The following GALNT13 variants were observed in gnomAD, a reference collection of about 807,000 sequenced individuals.
GALNT13 encodes the protein UDP-GalNAc:polypeptide N-acetylgalactosaminyltransferase 13.
In GALNT13, 28 loss-of-function variants were observed where a neutral mutation model predicts 64.2. The ratio of observed to expected loss-of-function variants is 0.44; its 90% confidence interval spans 0.32 to 0.60. The LOEUF is 0.60. GALNT13 is among the 20% of genes least tolerant of loss of function. The probability of loss-of-function intolerance (pLI) is 0.05; values close to 1 mark genes in which losing one functional copy is unlikely to be tolerated. For missense variants in GALNT13, 577 were observed against 669.8 expected (o/e 0.86, Z 1.53); for synonymous variants, 214 against 224.6 (o/e 0.95, Z 0.42).
chr2:153,161,383 C>T, the GALNT13 span, among the ~76,000 whole-genome samples: 1 of 152,040 alleles, frequency 6.6e-6, no homozygotes, highest in Non-Finnish European at 1.5e-5. Context: ...AAAACACCTG[C>T]CTTTGTGGAT....
At chr2:153,767,369 G>A in the GALNT13 span, among the ~76,000 whole-genome samples, 1 of 152,010 alleles carries the variant, frequency 6.6e-6, no homozygotes, top group South Asian at 2.1e-4. Flanking sequence ...ACACTTAGTT[G>A]GCTTAATGAC....
chr2:154,062,338 A>G (rs1360938770), intron 3 of GALNT13, among the ~76,000 whole-genome samples: 1 of 151,960 alleles, frequency 6.6e-6, no homozygotes, highest in Non-Finnish European at 1.5e-5. Context: ...TTTATTTCTG[A>G]TATGAGTTAT....
At chr2:153,385,874 T>TAAAAG in the GALNT13 span, among the ~76,000 whole-genome samples, 2 of 151,306 alleles carry the variant, frequency 1.3e-5, no homozygotes, top group African/African-American at 2.4e-5. Context: ...AAAGATAAAA[T>TAAAAG]AAAATATCCT....
At chr2:154,095,240 C>A (rs562625463) in intron 3 of GALNT13, among the ~76,000 whole-genome samples, 1 of 151,746 alleles carries the variant, frequency 6.6e-6, no homozygotes, top group African/African-American at 2.4e-5. Context: ...AGTTCATTGT[C>A]CAGATGATTT....
At chr2:153,561,387 G>A in the GALNT13 span, among the ~76,000 whole-genome samples, 1 of 151,848 alleles carries the variant, frequency 6.6e-6, no homozygotes, top group Non-Finnish European at 1.5e-5. Context: ...CTTGGGAATG[G>A]GACCTGAATC....
the GALNT13 span, among the ~76,000 whole-genome samples, chr2:153,746,077 ATAAAAG>A: frequency 3.9e-5 from 6 of 152,178 alleles, no homozygotes; most frequent in Admixed American, 1.3e-4. Flanking sequence ...GCTTCAATGA[ATAAAAG>A]TAAAATTTCT....
chr2:153,436,253 C>T, the GALNT13 span, among the ~76,000 whole-genome samples: 6 of 152,174 alleles, frequency 3.9e-5, no homozygotes, highest in African/African-American at 1.4e-4. Context: ...AGGATTTTTG[C>T]ATCGATGTTC....
chr2:154,116,179 G>A (rs1424607787), intron 3 of GALNT13, among the ~76,000 whole-genome samples: 1 of 152,072 alleles, frequency 6.6e-6, no homozygotes. Context: ...ACTAGGGATG[G>A]GGAAGCTGTT....
chr2:153,254,522 G>C, the GALNT13 span, among the ~76,000 whole-genome samples: 1 of 152,114 alleles, frequency 6.6e-6, no homozygotes, highest in Non-Finnish European at 1.5e-5. Flanking sequence ...TTTTGAATAT[G>C]TTTGCCCTTG....
the GALNT13 span, among the ~76,000 whole-genome samples, chr2:153,351,455 A>G: frequency 6.6e-6 from 1 of 152,202 alleles, no homozygotes; most frequent in African/African-American, 2.4e-5. Flanking sequence ...TGAGGAACCT[A>G]CGTTGACACA....
At chr2:154,417,167 T>A (rs1179385101) in intron 11 of GALNT13, among the ~76,000 whole-genome samples, 1 of 151,994 alleles carries the variant, frequency 6.6e-6, no homozygotes, top group South Asian at 2.1e-4. Flanking sequence ...ACAATAATTT[T>A]CAGTGTAGTT....
At chr2:153,759,712 T>A in the GALNT13 span, among the ~76,000 whole-genome samples, 1 of 152,158 alleles carries the variant, frequency 6.6e-6, no homozygotes, top group African/African-American at 2.4e-5. Flanking sequence ...TGATTAGATA[T>A]TGCTAACATT....
the GALNT13 span, among the ~76,000 whole-genome samples, chr2:153,535,252 G>C: frequency 1.3e-5 from 2 of 152,150 alleles, no homozygotes; most frequent in African/African-American, 4.8e-5. Context: ...AACAGAAGGA[G>C]AAAAACAGGT....
the GALNT13 span, among the ~76,000 whole-genome samples, chr2:153,790,801 C>T: frequency 6.6e-6 from 1 of 152,068 alleles, no homozygotes; most frequent in Admixed American, 6.6e-5. Context: ...TTCCTATACA[C>T]CCACAAAAAT....
At chr2:154,107,865 A>G (rs1461296322) in intron 3 of GALNT13, among the ~76,000 whole-genome samples, 1 of 152,106 alleles carries the variant, frequency 6.6e-6, no homozygotes, top group African/African-American at 2.4e-5. Flanking sequence ...TAGTAATTGT[A>G]TATCTATGCC....
At chr2:153,507,773 C>G in the GALNT13 span, among the ~76,000 whole-genome samples, 1 of 152,134 alleles carries the variant, frequency 6.6e-6, no homozygotes, top group African/African-American at 2.4e-5. Flanking sequence ...AATTGTTATT[C>G]TAGTTCCTTC....
intron 3 of GALNT13, among the ~76,000 whole-genome samples, chr2:154,010,855 C>A (rs1035099403): frequency 3.3e-5 from 5 of 151,480 alleles, no homozygotes; most frequent in African/African-American, 4.8e-5. Context: ...TTTCTTATAT[C>A]TTTTTTAGTT....
chr2:153,612,276 G>A, the GALNT13 span, among the ~76,000 whole-genome samples: 6 of 152,154 alleles, frequency 3.9e-5, no homozygotes, highest in Non-Finnish European at 8.8e-5. Context: ...GGAAGATGGT[G>A]TGGTGATTCC....
At chr2:153,447,026 G>A in the GALNT13 span, 7 of 152,226 alleles carry the variant, frequency 4.6e-5, 1 homozygote, top group African/African-American at 1.7e-4. Context: ...ACATTGAAAG[G>A]TTTAAAAGCT....
Sources: allele counts gnomAD v4.1 joint callset (sites outside exome capture counted in the v4.1 genomes callset), GRCh38; gene constraint gnomAD v4.1.1; transcripts MANE v1.5; gene names NCBI Gene and HGNC (gene_info 2026-07-23, HGNC 2026-07-21).